PDE4DIP: variants seen among roughly 807,000 people sequenced by gnomAD.
PDE4DIP encodes phosphodiesterase 4D interacting protein, also known as myomegalin.
PDE4DIP carries 59 observed loss-of-function variants against 221.4 expected under a neutral mutation model. The ratio of observed to expected loss-of-function variants is 0.27; its 90% CI spans 0.22 to 0.33. The LOEUF is 0.33. PDE4DIP is among the 10% of genes least tolerant of loss of function. The probability of loss-of-function intolerance (pLI) is 1.00; values close to 1 mark genes in which losing one functional copy is unlikely to be tolerated. For synonymous variants in PDE4DIP, 404 were observed against 815.9 expected (o/e 0.50, Z 8.60); for missense variants, 1,036 against 2,154.2 (o/e 0.48, Z 10.28).
At chr1:148,929,739 T>C (rs192328328) in intron 2 of PDE4DIP, 64 of 154,034 alleles carry the variant, frequency 4.2e-4, no homozygotes, top group Non-Finnish European at 6.8e-4. Context: ...GGATTTCCTT[T>C]GATCAAACAA....
chr1:148,844,461 C>T (rs1675932338), intron 1 of PDE4DIP: 1 of 139,922 alleles, frequency 7.1e-6, no homozygotes, highest in Admixed American at 1.6e-4. Context: ...GCGCGCACCG[C>T]GGCCCGGGCA....
chr1:149,025,950 C>G (rs1157296679), intron 38 of PDE4DIP: 1 of 152,178 alleles, frequency 6.6e-6, no homozygotes, highest in Non-Finnish European at 1.5e-5. Flanking sequence ...CTCCTCTGGG[C>G]TGCCCTGATG....
chr1:149,030,770 A>G (rs1553636373), intron 43 of PDE4DIP: 2 of 984,940 alleles, frequency 2.0e-6, no homozygotes, highest in Non-Finnish European at 2.4e-6. Flanking sequence ...TTTAAGTAAC[A>G]TGACAAAAGA....
Position 148,893,108 on chromosome 1 carries a change from T to TGTA in PDE4DIP, c.141+3214_141+3215insGTA, listed in dbSNP as rs1553438756. Among the ~76,000 whole-genome samples, 57 of 54,386 alleles carry TGTA rather than the reference T, an allele frequency of 1.0e-3. No homozygotes were observed. In the East Asian group the frequency reaches 0.013, roughly 13 times the overall value. 35.7% of individuals were successfully genotyped at this position (54,386 alleles called of 152,430 possible). ...GTGTGTGTGTGTGTGTGTGTATGTA[T>TGTA]TTTTTTTTTTTTTTTTTTGGCAGAG... On this transcript the variant is annotated intron_variant, in intron 1 of 43. Transcript: ENST00000369354.
At chr1:149,025,323 TC>T (rs1260754120) in intron 38 of PDE4DIP, among the ~76,000 whole-genome samples, 2 of 151,854 alleles carry the variant, frequency 1.3e-5, no homozygotes, top group Admixed American at 1.3e-4. Context: ...GATTCTCTAG[TC>T]CCCCTTTCCC....
chr1:148,937,794 T>C lies in PDE4DIP; in HGVS notation c.566T>C (p.Val189Ala), dbSNP rs782093395. 2.9e-6 allele frequency: 3 copies of C among 1,051,804 alleles called. No individual in the cohort carries two copies. The African/African-American group carries it at 4.8e-5, about 17-fold the overall frequency. 65.2% of individuals were successfully genotyped at this position (1,051,804 alleles called of 1,614,324 possible). The change falls in exon 5 of 44, where the codon GTA (valine) becomes GCA (alanine). Residue 189 changes from valine to alanine, a missense_variant. Transcript: ENST00000369354. ...AGCCTGGCTGCCCAGGAGAGGCTTG[T>C]AGAACAGCTATCTCGGGAGAAACAA...
At chr1:148,987,997 T>G (rs2062214421) in intron 21 of PDE4DIP, among the ~76,000 whole-genome samples, 1 of 152,168 alleles carries the variant, frequency 6.6e-6, no homozygotes, top group Non-Finnish European at 1.5e-5. Context: ...TAATGATGAT[T>G]AGTCCTTTTT....
At chr1:148,958,074 G>T (rs587762170) in intron 5 of PDE4DIP, among the ~76,000 whole-genome samples, 2 of 145,094 alleles carry the variant, frequency 1.4e-5, no homozygotes, top group Non-Finnish European at 3.0e-5. Flanking sequence ...CCCATGGTGT[G>T]ACATAGTTCA....
intron 21 of PDE4DIP, chr1:148,982,939 T>C (rs1159355917): frequency 6.6e-6 from 1 of 152,048 alleles, no homozygotes; most frequent in African/African-American, 2.4e-5. Context: ...AGGGAGAAAA[T>C]GCTCTACTGG....
At chr1:148,867,849 CAAT>C (rs1299438190) in intron 2 of PDE4DIP, among the ~76,000 whole-genome samples, 3 of 138,342 alleles carry the variant, frequency 2.2e-5, no homozygotes, top group South Asian at 4.8e-4. Flanking sequence ...CTTAAAACAA[CAAT>C]GATTTATTAT....
At chr1:148,898,173 C>CACTTGAA (rs1553444003) in intron 1 of PDE4DIP, among the ~76,000 whole-genome samples, 1 of 97,560 alleles carries the variant, frequency 1.0e-5, no homozygotes, top group East Asian at 4.7e-4. Flanking sequence ...ATAGAAGTAG[C>CACTTGAA]ATGTTACACT....
Position 148,978,107 on chromosome 1 carries a change from G to A in PDE4DIP, c.2436+54G>A. On this transcript the variant is annotated intron_variant, in intron 18 of 43. Transcript: ENST00000369354. ...GAAATGTTCACAGCTCAGAATACCT[G>A]TAGGGCCTCTTCAGACAATATTTGC... is the stretch of plus-strand genomic sequence containing the variant. The A allele has an allele frequency of 2.0e-6, 3 of 1,506,274 alleles. No individual in the cohort carries two copies. The South Asian group carries it at 3.5e-5, about 17-fold the overall frequency. The allele number at this position is 1,506,274 out of a possible 1,614,324, so 93.3% of individuals were successfully genotyped here. A position where few individuals can be genotyped will look rare whatever the true frequency, so the allele number is the denominator to read the frequency against.
intron 23 of PDE4DIP, among the ~76,000 whole-genome samples, chr1:149,000,154 T>C (rs1167788095): frequency 6.6e-6 from 1 of 152,190 alleles, no homozygotes; most frequent in Non-Finnish European, 1.5e-5. Context: ...TCCTGGATTC[T>C]GAGAAATTCA....
chr1:148,828,594 T>C (rs1671178896), intron 1 of PDE4DIP, among the ~76,000 whole-genome samples: 1 of 151,562 alleles, frequency 6.6e-6, no homozygotes, highest in South Asian at 2.1e-4. Flanking sequence ...CCTTCAATTT[T>C]TGAGAACTGA....
At chr1:148,827,244 C>CT (rs67632049) in intron 1 of PDE4DIP, among the ~76,000 whole-genome samples, 2,510 of 34,328 alleles carry the variant, frequency 0.073, 74 homozygotes, top group East Asian at 0.084. Flanking sequence ...GTGTTATATT[C>CT]TTTTTTTTTT....
intron 5 of PDE4DIP, chr1:148,953,103 T>G: frequency 6.2e-7 from 1 of 1,613,926 alleles, no homozygotes; most frequent in Non-Finnish European, 8.5e-7. Flanking sequence ...GGCGCGGAGA[T>G]CAAGGCGGGG....
intron 5 of PDE4DIP, among the ~76,000 whole-genome samples, chr1:148,950,480 T>C (rs1485281414): frequency 6.6e-6 from 1 of 152,298 alleles, no homozygotes; most frequent in African/African-American, 2.4e-5. Context: ...CATTCTTGCA[T>C]TGCTATACAT....
intron 5 of PDE4DIP, chr1:148,953,489 ACG>A (rs2054201894): frequency 6.2e-7 from 1 of 1,610,322 alleles, no homozygotes; most frequent in Non-Finnish European, 8.5e-7. Context: ...GGAGGAAGAG[ACG>A]CCTGGTTCCT....
exon 27 of PDE4DIP, chr1:149,005,049 C>T (rs782657872): frequency 5.1e-5 from 82 of 1,609,408 alleles, no homozygotes; most frequent in South Asian, 3.7e-4. Context: ...GGAAGAGTTC[C>T]GGGTATATGG....
Sources: gnomAD v4.1 joint callset for allele counts (sites outside exome capture counted in the v4.1 genomes callset) on GRCh38, gnomAD v4.1.1 for gene constraint, MANE v1.5 for transcripts, NCBI Gene and HGNC (gene_info 2026-07-23, HGNC 2026-07-21) for gene names.